Variants in WASF3 observed in about 807,000 individuals in gnomAD.
WASF3 encodes WASP family member 3, also known as actin-binding protein WASF3.
WASF3 carries 11 observed loss-of-function variants against 46.6 expected under a neutral mutation model. That is an observed-to-expected ratio of 0.24 (90% CI 0.15 to 0.39). The LOEUF (loss-of-function observed/expected upper bound fraction) is 0.39. Among genes scored for constraint, WASF3 ranks in the 10% least tolerant of loss-of-function variants. The probability of loss-of-function intolerance (pLI) is 1.00; values close to 1 mark genes in which losing one functional copy is unlikely to be tolerated. For synonymous variants in WASF3, 242 were observed against 259.7 expected (o/e 0.93, Z 0.65); for missense variants, 576 against 669.8 (o/e 0.86, Z 1.55).
At chr13:26,572,114 A>G (rs568867242) in intron 1 of WASF3, among the ~76,000 whole-genome samples, 2 of 152,274 alleles carry the variant, frequency 1.3e-5, no homozygotes, top group African/African-American at 4.8e-5. Flanking sequence ...TTTCAGGTTT[A>G]CTAACATGTC....
chr13:26,640,255 TA>T (rs1375006051), intron 2 of WASF3: 2 of 152,180 alleles, frequency 1.3e-5, no homozygotes, highest in Non-Finnish European at 2.9e-5. Flanking sequence ...ATCCAAACTA[TA>T]TCCCTAATCT....
the WASF3 span, among the ~76,000 whole-genome samples, chr13:26,551,030 C>T: frequency 5.9e-5 from 9 of 152,138 alleles, no homozygotes; most frequent in Non-Finnish European, 8.8e-5. Flanking sequence ...GTGATTGGAT[C>T]GTGGGGGCAG....
Position 26,685,741 on chromosome 13 carries a change from C to T in WASF3, c.1405C>T (p.Pro469Ser). ...EQREQEAKREPVGNDVATILS... is the reference protein window; with the variant it reads ...EQREQEAKRESVGNDVATILS... ...GCGGGAGCAGGAGGCCAAGCGGGAG[C>T]CAGTGGGGAATGACGTGGCCACGAT... is the stretch of plus-strand genomic sequence containing the variant. The change falls in exon 10 of 10, where the codon CCA becomes TCA. Residue 469 changes from proline (P) to serine (S), a missense_variant. Pro to Ser is a moderately conservative substitution (Grantham distance 74). Coordinates refer to ENST00000335327, the MANE Select transcript of WASF3 (RefSeq NM_006646.6). 1 of 1,614,190 alleles carries T rather than the reference C, an allele frequency of 6.2e-7. No homozygotes were observed. Among genetic ancestry groups the T allele is most frequent in the Non-Finnish European group, 8.5e-7 (1 of 1,180,046 alleles).
At chr13:26,638,126 G>T (rs1881886628) in intron 2 of WASF3, 1 of 152,238 alleles carries the variant, frequency 6.6e-6, no homozygotes, top group Non-Finnish European at 1.5e-5. Flanking sequence ...AGGGGTTCTT[G>T]TCTTTAATTC....
rs1883166503 is a variant in WASF3 at position 26,679,635 on chromosome 13, G to A, written c.717-1419G>A. ...AGCCAGTGACTCGTAGTCATGCGCA[G>A]AGTCAAGCACACATCATCAGTGTCT... On this transcript the variant is annotated intron_variant, in intron 7 of 9. Transcript: ENST00000335327. This position sits in a 1 kb window ranked among gnomAD's most constrained non-coding sequence, Gnocchi z 4.8. Among the ~76,000 whole-genome samples, 1 of 152,206 alleles carries A rather than the reference G, an allele frequency of 6.6e-6. No individual in the cohort carries two copies. The highest frequency in any genetic ancestry group is 1.5e-5 in the Non-Finnish European group (1 of 68,038).
chr13:26,606,344 G>A (rs971801990), intron 1 of WASF3, among the ~76,000 whole-genome samples: 30 of 149,994 alleles, frequency 2.0e-4, no homozygotes, highest in African/African-American at 6.9e-4. Flanking sequence ...GTGTGTGTGT[G>A]TGTGTGTGTG....
chr13:26,657,356 ATTGTAAC>A (rs1411335667), intron 3 of WASF3, among the ~76,000 whole-genome samples: 9 of 152,304 alleles, frequency 5.9e-5, no homozygotes, highest in Admixed American at 1.3e-4. Context: ...ATTTTACTCT[ATTGTAAC>A]TTGTATTAGG....
chr13:26,686,048 C>T lies in WASF3; in HGVS notation c.*203C>T. On this transcript the variant is annotated 3_prime_UTR_variant, in exon 10 of 10. Transcript: ENST00000335327. ...GTGCCACTAAACATAGCAAATTGTG[C>T]TGCACATGAGGAAATAGGCTGTCAC... The T allele has an allele frequency of 1.7e-6, 1 of 603,506 alleles. No individual in the cohort carries two copies. Among genetic ancestry groups the T allele is most frequent in the Non-Finnish European group, 2.8e-6 (1 of 362,802 alleles). The allele number at this position is 603,506 out of a possible 1,614,324, so 37.4% of individuals were successfully genotyped here. A position where few individuals can be genotyped will look rare whatever the true frequency, so the allele number is the denominator to read the frequency against.
intron 2 of WASF3, among the ~76,000 whole-genome samples, chr13:26,623,550 T>TGCAAAG (rs1342231297): frequency 6.6e-6 from 1 of 152,220 alleles, no homozygotes; most frequent in Non-Finnish European, 1.5e-5. Context: ...CTTTCACTGA[T>TGCAAAG]GCAAAGCAAA....
At chr13:26,597,551 A>G (rs569084064) in intron 1 of WASF3, among the ~76,000 whole-genome samples, 14 of 151,900 alleles carry the variant, frequency 9.2e-5, no homozygotes, top group African/African-American at 3.1e-4. Flanking sequence ...TTACATATGT[A>G]TATATGTGCC....
At position 26,667,659 on chromosome 13, in the gene WASF3, G is replaced by A. The variant is rs1211435112; in HGVS notation, c.411G>A (p.Leu137=). The change falls in exon 5 of 10, where the codon CTG becomes CTA. Residue 137 remains leucine, a synonymous_variant. Transcript: ENST00000335327. ...QSDKPPPLNI[L]TPYRDDKKDG... ...ATAAGCCACCGCCTCTGAACATCCT[G>A]ACACCATACAGGTATAGCTTCATGA... 4.3e-6 allele frequency: 7 copies of A among 1,613,922 alleles called. No homozygotes were observed. The highest frequency in any genetic ancestry group is 5.1e-6 in the Non-Finnish European group (6 of 1,179,990).
At chr13:26,563,791 C>CT (rs1195780410) in intron 1 of WASF3, among the ~76,000 whole-genome samples, 2,233 of 143,474 alleles carry the variant, frequency 0.016, 41 homozygotes, top group African/African-American at 0.051. Context: ...GCTCTTCTGA[C>CT]TTTTTTTTTT....
chr13:26,546,580 C>T, the WASF3 span, among the ~76,000 whole-genome samples: 21 of 151,968 alleles, frequency 1.4e-4, no homozygotes, highest in South Asian at 4.2e-3. Context: ...GGTGGGGTGG[C>T]GGGTGCCTAT....
At chr13:26,630,230 T>C (rs1245650125) in intron 2 of WASF3, among the ~76,000 whole-genome samples, 3 of 152,172 alleles carry the variant, frequency 2.0e-5, no homozygotes, top group Non-Finnish European at 4.4e-5. Context: ...TACATAGGTA[T>C]ACATGTGCCA....
At chr13:26,685,380 G>A (rs1239897996) in intron 9 of WASF3, among the ~76,000 whole-genome samples, 7 of 152,158 alleles carry the variant, frequency 4.6e-5, no homozygotes, top group African/African-American at 1.7e-4. Context: ...AAGGCTATAT[G>A]TGCCTAGTGG....
At chr13:26,546,711 C>CAAAAT in the WASF3 span, among the ~76,000 whole-genome samples, 692 of 152,260 alleles carry the variant, frequency 4.5e-3, 4 homozygotes, top group Non-Finnish European at 8.6e-3. Context: ...GACTCCATCT[C>CAAAAT]AAAATAAAAT....
intron 2 of WASF3, among the ~76,000 whole-genome samples, chr13:26,628,157 G>C (rs1364965390): frequency 1.3e-5 from 2 of 152,140 alleles, no homozygotes; most frequent in African/African-American, 4.8e-5. Flanking sequence ...AAGTTGGGTA[G>C]AAAACCTGCG....
rs528872533 is a variant in WASF3 at position 26,585,590 on chromosome 13, GTTC to G, written c.-108-27367_-108-27365del. ...GTAAGCCTCTGGAAGGCAGAAGACTGTTCTTCATCTCAGGTTTGGCATAATGCC... is the reference window on the plus strand; with the variant it reads ...GTAAGCCTCTGGAAGGCAGAAGACTGTTCATCTCAGGTTTGGCATAATGCC... On this transcript the variant is annotated intron_variant, in intron 1 of 9. Transcript: ENST00000335327. Among the ~76,000 whole-genome samples, 129 of 152,288 alleles carry G rather than the reference GTTC, an allele frequency of 8.5e-4. 1 individual carries two copies. Among genetic ancestry groups the G allele is most frequent in the African/African-American group, 3.0e-3 (125 of 41,560 alleles).
At chr13:26,594,259 C>T (rs1880392255) in intron 1 of WASF3, among the ~76,000 whole-genome samples, 1 of 152,150 alleles carries the variant, frequency 6.6e-6, no homozygotes, top group South Asian at 2.1e-4. Flanking sequence ...AATTTATGGC[C>T]TCTGCTCCAA....
Sources: gnomAD v4.1 joint callset for allele counts (sites outside exome capture counted in the v4.1 genomes callset) on GRCh38, gnomAD v4.1.1 for gene constraint, Gnocchi (gnomAD v3.1) non-coding constraint, MANE v1.5 for transcripts, NCBI Gene and HGNC (gene_info 2026-07-23, HGNC 2026-07-21) for gene names.